Variants in PPP1R3B observed in about 807,000 individuals in gnomAD.
The protein encoded by PPP1R3B is PP1 subunit R4.
PPP1R3B carries 8 observed loss-of-function variants against 14.6 expected under a neutral mutation model. That is an observed-to-expected ratio of 0.55 (90% CI 0.32 to 0.99). PPP1R3B has a LOEUF of 0.99. Ranked by LOEUF, PPP1R3B falls within the 50% of genes least tolerant of loss-of-function variation. The pLI is 0.04. For missense variants in PPP1R3B, 452 were observed against 360.1 expected, an observed-to-expected ratio of 1.26 and a Z score of -2.07; for synonymous variants, 169 against 142.0, an observed-to-expected ratio of 1.19 and a Z score of -1.35.
intron 1 of PPP1R3B, chr8:9,145,558 A>AG (rs1247380847): frequency 6.6e-6 from 1 of 152,208 alleles, no homozygotes; most frequent in East Asian, 1.9e-4. Flanking sequence ...GTAAGCTGTT[A>AG]GAAGTGAAGG....
intron 1 of PPP1R3B, among the ~76,000 whole-genome samples, chr8:9,145,654 G>A (rs1424742662): frequency 6.6e-6 from 1 of 152,114 alleles, no homozygotes; most frequent in African/African-American, 2.4e-5. Flanking sequence ...AGGATCAACT[G>A]TATTATGTAA....
At chr8:9,151,466 C>G (rs1317037068), upstream of PPP1R3B, 1 of 163,346 alleles carries the variant, frequency 6.1e-6, no homozygotes, top group East Asian at 1.9e-4. Flanking sequence ...TTCGCGCCCC[C>G]CGCGGGCGGC....
intron 1 of PPP1R3B, among the ~76,000 whole-genome samples, chr8:9,143,254 T>A (rs1307183268): frequency 2.0e-5 from 3 of 152,174 alleles, no homozygotes. Context: ...TATAATCTGA[T>A]AAAAAGAAAT....
In PPP1R3B at chr8:9,136,787, G is replaced by A. The variant is rs973595033; in HGVS notation, c.*4007C>T. 6 of 152,156 alleles carry A rather than the reference G, an allele frequency of 3.9e-5. No individual in the cohort carries two copies. The highest frequency in any genetic ancestry group is 8.8e-5 in the Non-Finnish European group (6 of 68,042). 9.4% of individuals were successfully genotyped at this position (152,156 alleles called of 1,614,324 possible). A position where few individuals can be genotyped will look rare whatever the true frequency, so the allele number is the denominator to read the frequency against. On this transcript the variant is annotated 3_prime_UTR_variant, in exon 2 of 2. Coordinates refer to ENST00000310455, the MANE Select transcript of PPP1R3B (RefSeq NM_024607.4). ...AGAGACGTGATCGGGACTCTCCCAG[G>A]ACTACATTCAGGTGAGAAATTTTAG... is the stretch of plus-strand genomic sequence containing the variant.
intron 1 of PPP1R3B, among the ~76,000 whole-genome samples, chr8:9,149,208 A>AAAAAAAAAAAT (rs1280289297): frequency 3.1e-4 from 42 of 136,640 alleles, no homozygotes; most frequent in African/African-American, 1.2e-3. Context: ...AAAAAAAAAA[A>AAAAAAAAAAAT]GGCAAAAAAA....
upstream of PPP1R3B, among the ~76,000 whole-genome samples, chr8:9,151,015 T>C (rs549423668): frequency 1.3e-5 from 2 of 152,022 alleles, no homozygotes; most frequent in Non-Finnish European, 2.9e-5. Context: ...GGCTGGGAAC[T>C]TGTGCTAGTT....
chr8:9,146,595 CCAGT>C (rs753994200), intron 1 of PPP1R3B, among the ~76,000 whole-genome samples: 7 of 152,290 alleles, frequency 4.6e-5, no homozygotes, highest in Non-Finnish European at 7.3e-5. Flanking sequence ...TTACAGATGG[CCAGT>C]CAGAGAAATA....
At chr8:9,143,326 G>A (rs1163664201) in intron 1 of PPP1R3B, among the ~76,000 whole-genome samples, 1 of 151,846 alleles carries the variant, frequency 6.6e-6, no homozygotes, top group Non-Finnish European at 1.5e-5. Flanking sequence ...GCAAGATACT[G>A]GGATTCAATA....
rs909214772 is a variant in PPP1R3B, at chr8:9,136,810, T to C, written c.*3984A>G. ...AGGACTACATTCAGGTGAGAAATTT[T>C]AGAAGAGGAAACAAATAAAAGGCAA... On this transcript the variant is annotated 3_prime_UTR_variant, in exon 2 of 2. Coordinates refer to ENST00000310455, the MANE Select transcript of PPP1R3B (RefSeq NM_024607.4). 6.6e-6 allele frequency: 1 copy of C among 152,204 alleles called. No individual in the cohort carries two copies. The highest frequency in any genetic ancestry group is 2.4e-5 in the African/African-American group (1 of 41,452). The allele number at this position is 152,204 out of a possible 1,614,324, so 9.4% of individuals were successfully genotyped here. A position where few individuals can be genotyped will look rare whatever the true frequency, so the allele number is the denominator to read the frequency against.
chr8:9,149,093 C>T (rs113677744), intron 1 of PPP1R3B, among the ~76,000 whole-genome samples: 4,230 of 147,820 alleles, frequency 0.029, 97 homozygotes, highest in Non-Finnish European at 0.037. Context: ...CTCAGGAGGC[C>T]GAGGCAGGAG....
rs895910056 is a variant in PPP1R3B, at chr8:9,136,974, G to A, written c.*3820C>T. On this transcript the variant is annotated 3_prime_UTR_variant, in exon 2 of 2. Transcript: ENST00000310455. ...TACAACTAATGCCTTTTTTCAAAAA[G>A]AAAATGGTTTGAAAAGATCAAAACC... 1.3e-5 allele frequency: 2 copies of A among 152,180 alleles called. No individual in the cohort carries two copies. Among genetic ancestry groups the A allele is most frequent in the African/African-American group, 2.4e-5 (1 of 41,534 alleles). The allele number at this position is 152,180 out of a possible 1,614,324, so 9.4% of individuals were successfully genotyped here. A position where few individuals can be genotyped will look rare whatever the true frequency, so the allele number is the denominator to read the frequency against.
chr8:9,145,580 C>G (rs1195323962), intron 1 of PPP1R3B: 1 of 152,078 alleles, frequency 6.6e-6, no homozygotes, highest in Non-Finnish European at 1.5e-5. Flanking sequence ...TTTGGGGAGT[C>G]AAAAGTTATA....
chr8:9,151,182 C>G (rs1294651671), upstream of PPP1R3B, among the ~76,000 whole-genome samples: 1 of 152,182 alleles, frequency 6.6e-6, no homozygotes, highest in Non-Finnish European at 1.5e-5. Context: ...GCTGAAGCAA[C>G]AGCTCCCTGG....
At chr8:9,142,172 C>T (rs1162181648) in intron 1 of PPP1R3B, 2 of 154,218 alleles carry the variant, frequency 1.3e-5, no homozygotes, top group Non-Finnish European at 2.9e-5. Flanking sequence ...GCACAGCTCA[C>T]TGCAGCCTCG....
chr8:9,146,426 G>C (rs760214444), intron 1 of PPP1R3B, among the ~76,000 whole-genome samples: 1 of 152,148 alleles, frequency 6.6e-6, no homozygotes, highest in African/African-American at 2.4e-5. Flanking sequence ...TCTGTAAAGA[G>C]CTGGGACCAC....
intron 1 of PPP1R3B, among the ~76,000 whole-genome samples, chr8:9,144,707 G>T (rs1435307722): frequency 6.6e-6 from 1 of 152,132 alleles, no homozygotes; most frequent in Admixed American, 6.5e-5. Context: ...TAAATTAAAT[G>T]TACCACATCC....
chr8:9,145,546 C>T (rs944098688), intron 1 of PPP1R3B: 1 of 152,062 alleles, frequency 6.6e-6, no homozygotes, highest in East Asian at 1.9e-4. Context: ...CTCTGGTCAA[C>T]AGTAAGCTGT....
Position 9,141,003 on chromosome 8 carries a change from T to C in PPP1R3B, c.649A>G (p.Asn217Asp), listed in dbSNP as rs1353295742. 4 of 1,614,178 alleles carry C rather than the reference T, an allele frequency of 2.5e-6. No individual in the cohort carries two copies. The highest frequency in any genetic ancestry group is 3.4e-6 in the Non-Finnish European group (4 of 1,180,006). Residue 217 changes from asparagine to aspartate, a missense_variant, in exon 2 of 2, where the codon AAT becomes GAT. Asn to Asp is a conservative substitution (Grantham distance 23). Coordinates refer to ENST00000310455, the MANE Select transcript of PPP1R3B (RefSeq NM_024607.4). ...RMEFAVYYEC[N>D]GQTYWDSNRG... ...TTGCTGTCCCAGTACGTCTGTCCATTGCACTCGTAGTACACAGCAAACTCC... is the reference window on the plus strand; with the variant it reads ...TTGCTGTCCCAGTACGTCTGTCCATCGCACTCGTAGTACACAGCAAACTCC...
In PPP1R3B at chr8:9,141,284, T is replaced by C. The variant is rs1421543442; in HGVS notation, c.368A>G (p.Asp123Gly). ...DFSQPSADYL[D>G]FRNRLQADHV... The stretch of plus-strand genomic sequence containing the variant: ...GTCGGCCTGAAGTCGATTTCTAAAG[T>C]CTAAGTAATCTGCAGAGGGCTGGGA... Residue 123 changes from aspartate (D) to glycine (G), a missense_variant, in exon 2 of 2, where the codon GAC (aspartate) becomes GGC (glycine). Asp to Gly is a moderately conservative substitution (Grantham distance 94, BLOSUM62 -1). Transcript: ENST00000310455. The C allele has an allele frequency of 5.0e-6, 8 of 1,614,090 alleles. No homozygotes were observed. Among genetic ancestry groups the C allele is most frequent in the African/African-American group, 4.0e-5 (3 of 75,020 alleles).
Sources: gnomAD v4.1 joint callset for allele counts (sites outside exome capture counted in the v4.1 genomes callset) on GRCh38, gnomAD v4.1.1 for gene constraint, MANE v1.5 for transcripts, NCBI Gene and HGNC (gene_info 2026-07-23, HGNC 2026-07-21) for gene names.